The following ELMO1 variants were observed in gnomAD, a reference collection of about 807,000 sequenced individuals.
ELMO1 encodes engulfment and cell motility protein 1.
In ELMO1, 26 loss-of-function variants were observed where a neutral mutation model predicts 98.9. That is an observed-to-expected ratio of 0.26 (90% CI 0.19 to 0.36). The LOEUF (loss-of-function observed/expected upper bound fraction) is 0.36, where lower values mean the gene tolerates loss of function less well. Among genes scored for constraint, ELMO1 ranks in the 10% least tolerant of loss-of-function variants. ELMO1 has a pLI of 1.00. For missense variants in ELMO1, 627 were observed against 935.2 expected (o/e 0.67, Z 4.30); for synonymous variants, 346 against 346.0 (o/e 1.00, Z 0.00).
At chr7:37,141,612 A>T (rs560306098) in intron 13 of ELMO1, among the ~76,000 whole-genome samples, 1 of 152,354 alleles carries the variant, frequency 6.6e-6, no homozygotes, top group South Asian at 2.1e-4. Flanking sequence ...GGTTAAACAG[A>T]TGAAAAAGAA....
intron 1 of ELMO1, among the ~76,000 whole-genome samples, chr7:37,394,361 G>A (rs1803203595): frequency 6.6e-6 from 1 of 152,132 alleles, no homozygotes; most frequent in African/African-American, 2.4e-5. Context: ...AGTGACAGGT[G>A]GGAGGAGACT....
At chr7:36,955,342 G>A (rs576201699) in intron 16 of ELMO1, among the ~76,000 whole-genome samples, 1 of 151,998 alleles carries the variant, frequency 6.6e-6, no homozygotes, top group South Asian at 2.1e-4. Context: ...ATAACCCTTG[G>A]CTCCCATTCG....
intron 16 of ELMO1, among the ~76,000 whole-genome samples, chr7:37,005,966 C>T (rs1449106195): frequency 1.3e-5 from 2 of 152,162 alleles, no homozygotes; most frequent in Non-Finnish European, 2.9e-5. Context: ...TGGGTAATTA[C>T]CTATTCCCAT....
At position 37,260,504 on chromosome 7, in the gene ELMO1, C is replaced by A. The variant is rs562331132; in HGVS notation, c.244-1154G>T. Among the ~76,000 whole-genome samples the A allele has an allele frequency of 2.6e-5, 4 of 152,264 alleles. No individual in the cohort carries two copies. In the South Asian group the frequency reaches 8.3e-4, roughly 32 times the overall value. On this transcript the variant is annotated intron_variant, in intron 5 of 21. Coordinates refer to ENST00000310758, the MANE Select transcript of ELMO1 (RefSeq NM_014800.11). The stretch of plus-strand genomic sequence containing the variant: ...CCTGGAATAGGGGAGGGAATCCATG[C>A]AGGTCCTAAGAGCAGAAAGACTCCA...
chr7:37,029,408 T>A (rs1234156580), intron 15 of ELMO1, among the ~76,000 whole-genome samples: 4 of 147,734 alleles, frequency 2.7e-5, no homozygotes, highest in African/African-American at 7.4e-5. Context: ...CTGATTTCTT[T>A]AAAAAAAAAA....
chr7:36,866,868 C>A (rs1562781931), intron 20 of ELMO1, among the ~76,000 whole-genome samples: 1 of 152,170 alleles, frequency 6.6e-6, no homozygotes, highest in African/African-American at 2.4e-5. Context: ...CAGAGGTAGA[C>A]AGGAGGGCAC....
intron 16 of ELMO1, among the ~76,000 whole-genome samples, chr7:36,939,492 C>A (rs1562840985): frequency 1.3e-5 from 2 of 152,214 alleles, no homozygotes; most frequent in African/African-American, 4.8e-5. Context: ...GTGTGTTTCA[C>A]TTCCAGCAAG....
chr7:37,179,764 GT>G (rs1790730115), intron 13 of ELMO1, among the ~76,000 whole-genome samples: 1 of 152,252 alleles, frequency 6.6e-6, no homozygotes, highest in African/African-American at 2.4e-5. Context: ...TAATAATCAT[GT>G]ACACAAAAGA....
Position 37,315,848 on chromosome 7 carries a change from T to C in ELMO1, c.119+72A>G, listed in dbSNP as rs1019997774. On this transcript the variant is annotated intron_variant, in intron 3 of 21. Transcript: ENST00000310758. ...ACTTATGAATAATATTTTACTATCC[T>C]ACTGGAAATATATTATTTGCTTGTC... 1.4e-5 allele frequency: 18 copies of C among 1,310,468 alleles called. No individual in the cohort carries two copies. The African/African-American group carries it at 2.2e-4, about 16-fold the overall frequency. 81.2% of individuals were successfully genotyped at this position (1,310,468 alleles called of 1,614,324 possible). A position where few individuals can be genotyped will look rare whatever the true frequency, so the allele number is the denominator to read the frequency against.
At chr7:37,157,820 G>C (rs1331581922) in intron 13 of ELMO1, among the ~76,000 whole-genome samples, 1 of 151,882 alleles carries the variant, frequency 6.6e-6, no homozygotes, top group Admixed American at 6.6e-5. Flanking sequence ...AGTTCATATG[G>C]AACCAAAAAA....
At chr7:36,897,244 A>C (rs1806084915) in intron 16 of ELMO1, among the ~76,000 whole-genome samples, 1 of 152,054 alleles carries the variant, frequency 6.6e-6, no homozygotes, top group African/African-American at 2.4e-5. Context: ...TCAAATTGAG[A>C]GCTGTGAGAC....
At chr7:37,086,691 C>T (rs1229561433) in intron 15 of ELMO1, among the ~76,000 whole-genome samples, 4 of 138,916 alleles carry the variant, frequency 2.9e-5, no homozygotes, top group African/African-American at 5.6e-5. Flanking sequence ...TGCAGTGAGC[C>T]GAGATCACAC....
At position 37,320,417 on chromosome 7, in the gene ELMO1, C is replaced by CA. The variant is rs200621864; in HGVS notation, c.79-4458dup. Among the ~76,000 whole-genome samples, 637 of 151,420 alleles carry CA rather than the reference C, an allele frequency of 4.2e-3. 3 individuals carry two copies. Among genetic ancestry groups the CA allele is most frequent in the African/African-American group, 0.014 (593 of 41,276 alleles). ...TGGTGAGTCACCAAAAACAAACAAA[C>CA]AAAAAAAAATCCCATCTCCACACTT... On this transcript the variant is annotated intron_variant, in intron 2 of 21. Transcript: ENST00000310758.
intron 7 of ELMO1, among the ~76,000 whole-genome samples, chr7:37,235,227 G>C (rs77048723): frequency 6.6e-6 from 1 of 152,008 alleles, no homozygotes; most frequent in African/African-American, 2.4e-5. Flanking sequence ...CCAAATATCA[G>C]ATTGCAAAAT....
At chr7:37,334,455 GA>G (rs976941702) in intron 2 of ELMO1, among the ~76,000 whole-genome samples, 14 of 152,024 alleles carry the variant, frequency 9.2e-5, no homozygotes, top group African/African-American at 2.4e-4. Flanking sequence ...TCAACAACAA[GA>G]AAAAAACCAA....
At chr7:37,021,023 T>A (rs1794235653) in intron 15 of ELMO1, among the ~76,000 whole-genome samples, 1 of 152,264 alleles carries the variant, frequency 6.6e-6, no homozygotes, top group Non-Finnish European at 1.5e-5. Flanking sequence ...TATTTATTCC[T>A]TTGTATAAAA....
At chr7:37,401,920 AT>A (rs1256905172) in intron 1 of ELMO1, among the ~76,000 whole-genome samples, 1 of 152,158 alleles carries the variant, frequency 6.6e-6, no homozygotes, top group Non-Finnish European at 1.5e-5. Context: ...GCCTTGCTAA[AT>A]TTCTCACAGT....
intron 13 of ELMO1, among the ~76,000 whole-genome samples, chr7:37,181,142 A>G (rs892564168): frequency 4.6e-5 from 7 of 152,320 alleles, no homozygotes; most frequent in African/African-American, 1.7e-4. Context: ...GAGACTCTCC[A>G]TAATTCCAGG....
intron 6 of ELMO1, among the ~76,000 whole-genome samples, chr7:37,247,894 A>AGTGTGTGTGTGTGTGTGT (rs1562551690): frequency 1.0e-4 from 11 of 108,172 alleles, no homozygotes; most frequent in African/African-American, 3.7e-4. Context: ...TTTGAAATAA[A>AGTGTGTGTGTGTGTGTGT]ATGTGTGTGT....
Sources: allele counts gnomAD v4.1 joint callset (sites outside exome capture counted in the v4.1 genomes callset), GRCh38; gene constraint gnomAD v4.1.1; transcripts MANE v1.5; gene names NCBI Gene and HGNC (gene_info 2026-07-23, HGNC 2026-07-21).